SLC22A23: variants seen among roughly 807,000 people sequenced by gnomAD.
SLC22A23 encodes solute carrier family 22 member 23, also known as ion transporter protein.
Under a neutral mutation model 61.0 loss-of-function variants are expected in SLC22A23, and 26 were observed. That is an observed-to-expected ratio of 0.43 (90% CI 0.31 to 0.59). SLC22A23 has a LOEUF of 0.59. SLC22A23 is among the 20% of genes least tolerant of loss of function. The pLI is 0.11. For synonymous variants in SLC22A23, 430 were observed against 413.9 expected (o/e 1.04, Z -0.47); for missense variants, 796 against 934.7 (o/e 0.85, Z 1.94).
chr6:3,317,476 C>G lies in SLC22A23; in HGVS notation c.1082+6358G>C, dbSNP rs1762708188. On this transcript the variant is annotated intron_variant, in intron 4 of 9. Transcript: ENST00000406686. The surrounding 1 kb of genome is among the most constrained non-coding windows in gnomAD (Gnocchi z 4.4). ...AATTCCTCCTAGATGCTCCTAGATACTCCCTTCTTCTTGTGGTTTGGATCT... is the reference window on the plus strand; with the variant it reads ...AATTCCTCCTAGATGCTCCTAGATAGTCCCTTCTTCTTGTGGTTTGGATCT... Among the ~76,000 whole-genome samples the G allele has an allele frequency of 6.6e-6, 1 of 152,192 alleles. No individual in the cohort carries two copies. Among genetic ancestry groups the G allele is most frequent in the African/African-American group, 2.4e-5 (1 of 41,446 alleles).
At chr6:3,392,217 T>C (rs116625416) in intron 3 of SLC22A23, among the ~76,000 whole-genome samples, 1,603 of 152,306 alleles carry the variant, frequency 0.011, 34 homozygotes, top group African/African-American at 0.037. Flanking sequence ...AGCAGTGACC[T>C]GAAGGGGAAG....
At chr6:3,293,732 A>C (rs1445670540) in intron 5 of SLC22A23, among the ~76,000 whole-genome samples, 2 of 152,172 alleles carry the variant, frequency 1.3e-5, no homozygotes, top group Non-Finnish European at 2.9e-5. Flanking sequence ...TGACTTGGGC[A>C]AGGTACCTAG....
intron 9 of SLC22A23, 148 bp downstream of exon 9, chr6:3,283,704 C>T (rs1223430479): frequency 7.0e-7 from 1 of 1,430,416 alleles, no homozygotes; most frequent in South Asian, 1.2e-5. Flanking sequence ...TTGGGTCCAA[C>T]AGCCACCTCA....
At chr6:3,415,912 A>G in intron 1 of SLC22A23, 57 bp from the exon 2 acceptor site, 1 of 1,318,730 alleles carries the variant, frequency 7.6e-7, no homozygotes, top group East Asian at 2.5e-5. Context: ...AGCTAGTCGT[A>G]CTCAATTATA....
intron 1 of SLC22A23, among the ~76,000 whole-genome samples, chr6:3,445,260 G>A (rs564370803): frequency 1.3e-5 from 2 of 151,836 alleles, no homozygotes; most frequent in South Asian, 2.1e-4. Context: ...GTGCAATGGC[G>A]CCATCTTGGC....
chr6:3,298,242 G>C (rs1313930378), intron 4 of SLC22A23, 24 bp from the exon 5 acceptor site: 6 of 1,582,744 alleles, frequency 3.8e-6, no homozygotes, highest in Non-Finnish European at 5.1e-6. Context: ...AAGGGGATCA[G>C]TGAATGTCTT....
intron 5 of SLC22A23, chr6:3,291,031 G>A (rs555482796): frequency 1.3e-5 from 2 of 152,464 alleles, no homozygotes; most frequent in Non-Finnish European, 2.9e-5. Context: ...TGGAAAGCAC[G>A]ATGATGGGAG....
At chr6:3,435,829 C>T (rs1035308212) in intron 1 of SLC22A23, among the ~76,000 whole-genome samples, 10 of 152,110 alleles carry the variant, frequency 6.6e-5, no homozygotes, top group Non-Finnish European at 1.0e-4. Context: ...AGGGCGGGCC[C>T]TAATCCAAGG....
rs535317804 is a variant in SLC22A23, at chr6:3,281,318, G to A, written c.1703+2534C>T. Among the ~76,000 whole-genome samples, 3 of 152,358 alleles carry A rather than the reference G, an allele frequency of 2.0e-5. No homozygotes were observed. In the South Asian group the frequency reaches 6.2e-4, roughly 32 times the overall value. ...CTGGCCTGGGCCTGAGCGGGTAGCT[G>A]GTTCTGTCAACGCGAGGTCTGAACA... On this transcript the variant is annotated intron_variant, in intron 9 of 9. Coordinates refer to ENST00000406686, the MANE Select transcript of SLC22A23 (RefSeq NM_015482.2).
In SLC22A23 at chr6:3,390,187, T is replaced by C. The variant is rs192796164; in HGVS notation, c.913+20001A>G. On this transcript the variant is annotated intron_variant, in intron 3 of 9. Coordinates refer to ENST00000406686, the MANE Select transcript of SLC22A23 (RefSeq NM_015482.2). This position sits in a 1 kb window ranked among gnomAD's most constrained non-coding sequence, Gnocchi z 4.0. ...GCTCTCTCCATAACCTCCAGGCCTA[T>C]GTTAAACTTCACATCCAATGACACC... Among the ~76,000 whole-genome samples, 1 of 152,286 alleles carries C rather than the reference T, an allele frequency of 6.6e-6. No individual in the cohort carries two copies. Among genetic ancestry groups the C allele is most frequent in the East Asian group, 1.9e-4 (1 of 5,178 alleles).
chr6:3,375,885 C>A (rs961440124), intron 3 of SLC22A23, among the ~76,000 whole-genome samples: 5 of 152,138 alleles, frequency 3.3e-5, no homozygotes, highest in Admixed American at 3.3e-4. Context: ...AAAACACACG[C>A]CTATTCTGCT....
chr6:3,354,873 A>C (rs1342087713), intron 3 of SLC22A23, among the ~76,000 whole-genome samples: 1 of 152,202 alleles, frequency 6.6e-6, no homozygotes, highest in Admixed American at 6.5e-5. Flanking sequence ...TCAATTAAGC[A>C]GGCAGCCTCA....
intron 3 of SLC22A23, among the ~76,000 whole-genome samples, chr6:3,370,557 G>A (rs1766150430): frequency 1.3e-5 from 2 of 152,266 alleles, no homozygotes; most frequent in Admixed American, 1.3e-4. Flanking sequence ...CTCATGCCCA[G>A]CCCCTTCAGC....
At chr6:3,284,095 T>C in intron 8 of SLC22A23, 120 bp from the exon 9 acceptor site, 2 of 1,015,106 alleles carry the variant, frequency 2.0e-6, no homozygotes, top group Non-Finnish European at 2.8e-6. Flanking sequence ...CATGGATGGG[T>C]ATGCAATTCC....
rs189457257 is a variant in SLC22A23 at position 3,296,771 on chromosome 6, C to G, written c.1210+1320G>C. Among the ~76,000 whole-genome samples, 259 of 152,246 alleles carry G rather than the reference C, an allele frequency of 1.7e-3. 2 individuals carry two copies. Among genetic ancestry groups the G allele is most frequent in the Non-Finnish European group, 2.0e-3 (139 of 68,030 alleles). On this transcript the variant is annotated intron_variant, in intron 5 of 9. Coordinates refer to ENST00000406686, the MANE Select transcript of SLC22A23 (RefSeq NM_015482.2). The stretch of plus-strand genomic sequence containing the variant: ...GTGACCTGACTCTCACGGCCCTGCA[C>G]AAGTTGAGGCAGAGGGTGACATCCT...
Position 3,323,903 on chromosome 6 carries a change from A to G in SLC22A23, c.1013T>C (p.Leu338Pro). The stretch of plus-strand genomic sequence containing the variant: ...CTGCAGCACCTGCCAATCCCGGCAC[A>G]GGGCGGCTAGCCCAGGCATGAGGAA... ...GQFLMPGLAALCRDWQVLQAL... is the reference protein window; with the variant it reads ...GQFLMPGLAAPCRDWQVLQAL... Residue 338 changes from leucine (L) to proline (P), a missense_variant, in exon 4 of 10, where the codon CTG becomes CCG. Physicochemically the swap from Leu to Pro is moderately conservative, Grantham distance 98 (BLOSUM62 -3). Coordinates refer to ENST00000406686, the MANE Select transcript of SLC22A23 (RefSeq NM_015482.2). The G allele has an allele frequency of 6.2e-7, 1 of 1,614,228 alleles. No homozygotes were observed. The highest frequency in any genetic ancestry group is 1.1e-5 in the South Asian group (1 of 91,080).
At position 3,286,761 on chromosome 6, in the gene SLC22A23, T is replaced by A; in HGVS notation, c.1546+98A>T. 2 of 1,048,482 alleles carry A rather than the reference T, an allele frequency of 1.9e-6. No individual in the cohort carries two copies. The highest frequency in any genetic ancestry group is 1.4e-6 in the Non-Finnish European group (1 of 712,408). The allele number at this position is 1,048,482 out of a possible 1,614,324, so 64.9% of individuals were successfully genotyped here. ...AGCAGCTCCTTCCAGCAGTAGATTT[T>A]AGAGTGGCCAGCGGAGTCTTATGCA... On this transcript the variant is annotated intron_variant, in intron 7 of 9. Transcript: ENST00000406686. This position sits in a 1 kb window ranked among gnomAD's most constrained non-coding sequence, Gnocchi z 4.2.
rs1331171844 is a variant in SLC22A23, at chr6:3,390,885, G to A, written c.913+19303C>T. Reference sequence around the variant, plus strand: ...GTTCTGCCCAGAAGCCGCACCCAGAGATCTGAGGGAACCATGACACTTACT... The same window carrying A: ...GTTCTGCCCAGAAGCCGCACCCAGAAATCTGAGGGAACCATGACACTTACT... On this transcript the variant is annotated intron_variant, in intron 3 of 9. Coordinates refer to ENST00000406686, the MANE Select transcript of SLC22A23 (RefSeq NM_015482.2). The surrounding 1 kb of genome is among the most constrained non-coding windows in gnomAD (Gnocchi z 4.0). Among the ~76,000 whole-genome samples, 1 of 152,232 alleles carries A rather than the reference G, an allele frequency of 6.6e-6. No homozygotes were observed. Among genetic ancestry groups the A allele is most frequent in the Non-Finnish European group, 1.5e-5 (1 of 68,044 alleles).
rs924423179 is a variant in SLC22A23, at chr6:3,387,020, C to G, written c.913+23168G>C. On this transcript the variant is annotated intron_variant, in intron 3 of 9. Coordinates refer to ENST00000406686, the MANE Select transcript of SLC22A23 (RefSeq NM_015482.2). The surrounding 1 kb of genome is among the most constrained non-coding windows in gnomAD (Gnocchi z 5.0). ...TTCACCTTTGTTTCTCAGAAAAACC[C>G]TACTAACCTTTAAAAAATACACACG... is the stretch of plus-strand genomic sequence containing the variant. 1.3e-5 allele frequency among the ~76,000 whole-genome samples: 2 copies of G among 152,228 alleles called. No individual in the cohort carries two copies. Among genetic ancestry groups the G allele is most frequent in the Non-Finnish European group, 2.9e-5 (2 of 68,034 alleles).
Sources: gnomAD v4.1 joint callset for allele counts (sites outside exome capture counted in the v4.1 genomes callset) on GRCh38, gnomAD v4.1.1 for gene constraint, Gnocchi (gnomAD v3.1) non-coding constraint, MANE v1.5 for transcripts, NCBI Gene and HGNC (gene_info 2026-07-23, HGNC 2026-07-21) for gene names.